The following TTC5 variants were observed in gnomAD, a reference collection of about 807,000 sequenced individuals.
TTC5 encodes tetratricopeptide repeat protein 5.
In TTC5, 46 loss-of-function variants were observed where a neutral mutation model predicts 57.4. That is an observed-to-expected ratio of 0.80 (90% confidence interval 0.63 to 1.03). TTC5 has a LOEUF of 1.03. Among genes scored for constraint, TTC5 ranks in the 50% least tolerant of loss-of-function variants. TTC5 has a pLI of 0.00. For synonymous variants in TTC5, 190 were observed against 203.5 expected, an observed-to-expected ratio of 0.93 and a Z score of 0.57; for missense variants, 504 against 528.1, an observed-to-expected ratio of 0.95 and a Z score of 0.45.
chr14:20,293,031 G>A (rs548287980), intron 8 of TTC5: 5 of 152,160 alleles, frequency 3.3e-5, no homozygotes, highest in South Asian at 4.2e-4. Flanking sequence ...TGAAATGTAC[G>A]CTTAAAATTG....
rs1378437595 is a variant in TTC5 at position 20,299,553 on chromosome 14, T to TTTTTG, written c.397-110_397-106dup. On this transcript the variant is annotated intron_variant, in intron 3 of 9. Transcript: ENST00000258821. ...AATCTAATTTTTTACCTTTCTAAGT[T>TTTTTG]TTTTGTTTTGTTTTGTTTGAGGTGG... 3.4e-5 allele frequency: 46 copies of TTTTTG among 1,364,390 alleles called. No homozygotes were observed. In the African/African-American group the frequency reaches 5.2e-4, roughly 15 times the overall value. 84.5% of individuals were successfully genotyped at this position (1,364,390 alleles called of 1,614,324 possible).
At chr14:20,298,030 A>C (rs776683147) in intron 5 of TTC5, among the ~76,000 whole-genome samples, 2 of 152,206 alleles carry the variant, frequency 1.3e-5, no homozygotes, top group Non-Finnish European at 2.9e-5. Flanking sequence ...AACATACAGT[A>C]ACTGTGTTCT....
intron 5 of TTC5, among the ~76,000 whole-genome samples, chr14:20,296,821 T>A (rs1882074730): frequency 6.6e-6 from 1 of 152,156 alleles, no homozygotes; most frequent in Non-Finnish European, 1.5e-5. Flanking sequence ...AAGACCAGAC[T>A]GGCCAACCTG....
chr14:20,305,779 A>C (rs959667422), intron 1 of TTC5, 108 bp downstream of exon 1: 1 of 1,171,036 alleles, frequency 8.5e-7, no homozygotes, highest in Non-Finnish European at 1.3e-6. Context: ...ACACAGACGC[A>C]CGCAGCTTCG....
chr14:20,300,143 G>GTGTGTATATATATATATA (rs370417927), intron 3 of TTC5, among the ~76,000 whole-genome samples: 4 of 27,168 alleles, frequency 1.5e-4, no homozygotes, highest in African/African-American at 3.3e-4. Flanking sequence ...TCTGGTCCAT[G>GTGTGTATATATATATATA]TATATATATA....
chr14:20,299,289 A>G lies in TTC5; in HGVS notation c.547+9T>C. The G allele has an allele frequency of 3.1e-6, 5 of 1,611,114 alleles. No individual in the cohort carries two copies. Among genetic ancestry groups the G allele is most frequent in the Non-Finnish European group, 3.4e-6 (4 of 1,177,924 alleles). On this transcript the variant is annotated intron_variant, in intron 4 of 9. Coordinates refer to ENST00000258821, the MANE Select transcript of TTC5 (RefSeq NM_138376.3). ...AGAAACCTGTTGGAGATCTTTTGAG[A>G]GCACTCACACCAGGAGCGGCCATCA... is the stretch of plus-strand genomic sequence containing the variant.
chr14:20,295,105 G>T (rs1882032425), intron 8 of TTC5: 4 of 572,600 alleles, frequency 7.0e-6, no homozygotes, highest in Non-Finnish European at 1.2e-5. Context: ...GATACAAAAT[G>T]GGCAGTGACA....
chr14:20,289,430 G>T lies in TTC5; in HGVS notation c.*197C>A, dbSNP rs1053407411. On this transcript the variant is annotated 3_prime_UTR_variant, in exon 10 of 10. Transcript: ENST00000258821. Reference sequence around the variant, plus strand: ...CAGGAGAGATATGCCAGAAGAGTATGTGGCCCTGTAGAGAGCTGGAACATG... The same window carrying T: ...CAGGAGAGATATGCCAGAAGAGTATTTGGCCCTGTAGAGAGCTGGAACATG... 1.1e-5 allele frequency: 5 copies of T among 473,550 alleles called. No homozygotes were observed. Among genetic ancestry groups the T allele is most frequent in the Non-Finnish European group, 1.8e-5 (5 of 277,788 alleles). The allele number at this position is 473,550 out of a possible 1,614,324, so 29.3% of individuals were successfully genotyped here.
At chr14:20,296,588 AC>A in intron 5 of TTC5, 142 bp from the exon 6 acceptor site, 2 of 701,932 alleles carry the variant, frequency 2.8e-6, no homozygotes, top group South Asian at 1.7e-5. Context: ...AGAAGCAGTT[AC>A]CGTATAACAG....
chr14:20,294,305 A>ATCTATT, intron 8 of TTC5: 1 of 151,856 alleles, frequency 6.6e-6, no homozygotes, highest in Non-Finnish European at 1.5e-5. Flanking sequence ...GTGGCAAAAT[A>ATCTATT]TCTATTTGTT....
intron 2 of TTC5, 29 bp from the exon 3 acceptor site, chr14:20,300,847 GA>G: frequency 1.9e-6 from 3 of 1,550,448 alleles, no homozygotes; most frequent in Admixed American, 2.0e-5. Context: ...GATAAAGTGG[GA>G]AAAAAACAAG....
chr14:20,296,952 G>A (rs1882078346), intron 5 of TTC5, among the ~76,000 whole-genome samples: 1 of 152,208 alleles, frequency 6.6e-6, no homozygotes, highest in Non-Finnish European at 1.5e-5. Context: ...GGAGGTTGCA[G>A]TGAGCCGAGA....
rs138481738 is a variant in TTC5, at chr14:20,292,474, A to C, written c.1059-347T>G. On this transcript the variant is annotated intron_variant, in intron 8 of 9. Transcript: ENST00000258821. ...CAAATATTAATGATGAACTAGACCA[A>C]CATGTTACAGTTGTAACATTATTCC... The C allele has an allele frequency of 1.8e-3, 285 of 155,936 alleles. 1 individual carries two copies. The highest frequency in any genetic ancestry group is 6.5e-3 in the African/African-American group (271 of 41,654). The allele number at this position is 155,936 out of a possible 1,614,324, so 9.7% of individuals were successfully genotyped here. A position where few individuals can be genotyped will look rare whatever the true frequency, so the allele number is the denominator to read the frequency against.
Position 20,289,419 on chromosome 14 carries a change from CAGA to C in TTC5, c.*205_*207del. The C allele has an allele frequency of 2.3e-6, 1 of 441,318 alleles. No individual in the cohort carries two copies. Among genetic ancestry groups the C allele is most frequent in the Non-Finnish European group, 3.9e-6 (1 of 253,288 alleles). The allele number at this position is 441,318 out of a possible 1,614,324, so 27.3% of individuals were successfully genotyped here. A position where few individuals can be genotyped will look rare whatever the true frequency, so the allele number is the denominator to read the frequency against. ...AGTGGAAGAGACAGGAGAGATATGC[CAGA>C]AGAGTATGTGGCCCTGTAGAGAGCT... On this transcript the variant is annotated 3_prime_UTR_variant, in exon 10 of 10. Transcript: ENST00000258821.
intron 3 of TTC5, chr14:20,300,299 C>A: frequency 3.6e-6 from 1 of 276,480 alleles, no homozygotes; most frequent in Non-Finnish European, 6.8e-6. Flanking sequence ...ACACCCAGCC[C>A]TAATTTTTTC....
Position 20,292,014 on chromosome 14 carries a change from A to G in TTC5, c.1172T>C (p.Leu391Pro). 6.3e-7 allele frequency: 1 copy of G among 1,589,864 alleles called. No individual in the cohort carries two copies. Among genetic ancestry groups the G allele is most frequent in the Non-Finnish European group, 8.6e-7 (1 of 1,168,318 alleles). Residue 391 changes from leucine (L) to proline (P), a missense_variant, in exon 9 of 10, where the codon CTG becomes CCG. By Grantham distance (98) the Leu-to-Pro change is moderately conservative. Coordinates refer to ENST00000258821, the MANE Select transcript of TTC5 (RefSeq NM_138376.3). ...GDSVAIPEPN[L>P]RLHRIQHKGK... ...TTTGTGCTGAATTCGGTGAAGCCGCAGGTTGGGCTCAGGAATGGCTACAGA... is the reference window on the plus strand; with the variant it reads ...TTTGTGCTGAATTCGGTGAAGCCGCGGGTTGGGCTCAGGAATGGCTACAGA...
Position 20,305,925 on chromosome 14 carries a change from C to T in TTC5, c.13G>A (p.Glu5Lys). Reference sequence around the variant, plus strand: ...AAGATCGGCTTGACTTCTTCCTCTTCATCAGCCATCATCTCCCGGCCACTC... The same window carrying T: ...AAGATCGGCTTGACTTCTTCCTCTTTATCAGCCATCATCTCCCGGCCACTC... MMADEEEEVKPILQK... is the reference protein window; with the variant it reads MMADKEEEVKPILQK... Residue 5 changes from glutamate (E) to lysine (K), a missense_variant, in exon 1 of 10, where the codon GAA (glutamate) becomes AAA (lysine). Physicochemically the swap from Glu to Lys is moderately conservative, Grantham distance 56. Coordinates refer to ENST00000258821, the MANE Select transcript of TTC5 (RefSeq NM_138376.3). 2 of 1,614,160 alleles carry T rather than the reference C, an allele frequency of 1.2e-6. No individual in the cohort carries two copies. The highest frequency in any genetic ancestry group is 2.2e-5 in the East Asian group (1 of 44,890).
intron 2 of TTC5, 84 bp downstream of exon 2, chr14:20,301,749 A>G: frequency 1.3e-6 from 2 of 1,554,062 alleles, no homozygotes; most frequent in Non-Finnish European, 1.8e-6. Context: ...AACAGATAGG[A>G]TACCAAAGAG....
Position 20,289,318 on chromosome 14 carries a change from C to A in TTC5, c.*309G>T. On this transcript the variant is annotated 3_prime_UTR_variant, in exon 10 of 10. Coordinates refer to ENST00000258821, the MANE Select transcript of TTC5 (RefSeq NM_138376.3). Reference sequence around the variant, plus strand: ...CTTAGGAAGGAGGCAACAACAGGAACCTTGGGGACTCTGTCCCATGGCAAG... The same window carrying A: ...CTTAGGAAGGAGGCAACAACAGGAAACTTGGGGACTCTGTCCCATGGCAAG... 4.5e-6 allele frequency: 1 copy of A among 223,202 alleles called. No homozygotes were observed. The highest frequency in any genetic ancestry group is 8.8e-6 in the Non-Finnish European group (1 of 113,106). The allele number at this position is 223,202 out of a possible 1,614,324, so 13.8% of individuals were successfully genotyped here. A position where few individuals can be genotyped will look rare whatever the true frequency, so the allele number is the denominator to read the frequency against.
Sources: gnomAD v4.1 joint callset for allele counts (sites outside exome capture counted in the v4.1 genomes callset) on GRCh38, gnomAD v4.1.1 for gene constraint, MANE v1.5 for transcripts, NCBI Gene and HGNC (gene_info 2026-07-23, HGNC 2026-07-21) for gene names.